The following MUC7 variants were observed in gnomAD, a reference collection of about 807,000 sequenced individuals.
MUC7 encodes the protein mucin 7, secreted.
A neutral mutation model predicts 2.5 loss-of-function variants in MUC7; 2 were observed. The observed-to-expected ratio is 0.81, with a 90% CI of 0.33 to 2.55. The LOEUF is 2.55. Among genes scored for constraint, MUC7 ranks in the 30% most tolerant of loss-of-function variants. The pLI is 0.11. For missense variants in MUC7, 408 were observed against 455.6 expected (o/e 0.90, Z 0.95); for synonymous variants, 133 against 173.4 (o/e 0.77, Z 1.83).
At chr4:70,450,036 G>C (rs1734242003) in intron 1 of MUC7, among the ~76,000 whole-genome samples, 1 of 152,240 alleles carries the variant, frequency 6.6e-6, no homozygotes, top group East Asian at 1.9e-4. Flanking sequence ...TTCCATTCAG[G>C]ATGGTGAGGT....
intron 2 of MUC7, among the ~76,000 whole-genome samples, chr4:70,479,765 G>A (rs1242847375): frequency 6.6e-6 from 1 of 152,148 alleles, no homozygotes; most frequent in African/African-American, 2.4e-5. Flanking sequence ...TGACCCACAT[G>A]GCATAGAAGT....
At chr4:70,445,300 C>T (rs546430911) in intron 1 of MUC7, among the ~76,000 whole-genome samples, 1 of 152,134 alleles carries the variant, frequency 6.6e-6, no homozygotes, top group Non-Finnish European at 1.5e-5. Flanking sequence ...GAAACCACAA[C>T]TCCACTAACT....
At position 70,474,389 on chromosome 4, in the gene MUC7, G is replaced by A. The variant is rs561208228; in HGVS notation, c.54+314G>A. Among the ~76,000 whole-genome samples, 10 of 152,126 alleles carry A rather than the reference G, an allele frequency of 6.6e-5. No homozygotes were observed. The South Asian group carries it at 1.9e-3, about 28-fold the overall frequency. On this transcript the variant is annotated intron_variant, in intron 2 of 2. Transcript: ENST00000304887. Reference sequence around the variant, plus strand: ...AATTTAATTAGCCAGGTGTGGTGGTGCGTGCCTGTAATCCCAACTACTCGG... The same window carrying A: ...AATTTAATTAGCCAGGTGTGGTGGTACGTGCCTGTAATCCCAACTACTCGG...
chr4:70,444,935 C>T (rs1734091056), intron 1 of MUC7, among the ~76,000 whole-genome samples: 1 of 152,044 alleles, frequency 6.6e-6, no homozygotes, highest in South Asian at 2.1e-4. Flanking sequence ...GCCTGTAGTT[C>T]CAGCTACTTG....
chr4:70,449,418 T>C (rs557657712), intron 1 of MUC7, among the ~76,000 whole-genome samples: 1 of 152,226 alleles, frequency 6.6e-6, no homozygotes, highest in Non-Finnish European at 1.5e-5. Flanking sequence ...ATGAGACTTA[T>C]TCACTATCAT....
upstream of MUC7, among the ~76,000 whole-genome samples, chr4:70,471,201 T>G (rs561252339): frequency 2.3e-3 from 353 of 152,316 alleles, no homozygotes; most frequent in Middle Eastern, 6.8e-3. Flanking sequence ...ATTCTTAAGT[T>G]CTTTTTTAAG....
chr4:70,477,972 C>A (rs952312162), intron 2 of MUC7, among the ~76,000 whole-genome samples: 2 of 152,110 alleles, frequency 1.3e-5, no homozygotes, highest in Non-Finnish European at 2.9e-5. Context: ...TAGAGGCATG[C>A]ATTTTCAACT....
intron 1 of MUC7, among the ~76,000 whole-genome samples, chr4:70,455,729 AAGGTGT>A: frequency 6.6e-6 from 1 of 152,194 alleles, no homozygotes; most frequent in Admixed American, 6.5e-5. Context: ...ATGGAATCAA[AAGGTGT>A]ATGTGGAACT....
chr4:70,453,843 C>G (rs769382166), intron 1 of MUC7, among the ~76,000 whole-genome samples: 4 of 152,040 alleles, frequency 2.6e-5, no homozygotes, highest in African/African-American at 7.2e-5. Flanking sequence ...CCCTAGGGCT[C>G]TTTAGTTAGC....
chr4:70,476,773 C>T (rs41452147), intron 2 of MUC7, among the ~76,000 whole-genome samples: 10 of 152,072 alleles, frequency 6.6e-5, no homozygotes, highest in Admixed American at 4.6e-4. Flanking sequence ...GGTGACAGAG[C>T]GAGACTCCGT....
intron 1 of MUC7, among the ~76,000 whole-genome samples, chr4:70,463,052 C>T (rs1277784009): frequency 6.6e-6 from 1 of 152,156 alleles, no homozygotes; most frequent in Non-Finnish European, 1.5e-5. Flanking sequence ...GGTCAATCTT[C>T]TGTTGGTCCT....
chr4:70,442,836 T>C (rs941223858), intron 1 of MUC7, among the ~76,000 whole-genome samples: 1 of 152,202 alleles, frequency 6.6e-6, no homozygotes, highest in Non-Finnish European at 1.5e-5. Context: ...TATTACAAAA[T>C]CTTTCTTCTC....
chr4:70,470,438 A>G (rs1734808249), upstream of MUC7, among the ~76,000 whole-genome samples: 1 of 152,194 alleles, frequency 6.6e-6, no homozygotes, highest in Admixed American at 6.5e-5. Context: ...CATAAGTGTT[A>G]CTCATTTATT....
At chr4:70,480,725 C>G in intron 2 of MUC7, 74 bp from the exon 3 acceptor site, 5 of 1,465,452 alleles carry the variant, frequency 3.4e-6, no homozygotes, top group Non-Finnish European at 4.6e-6. Context: ...CCGCTCATCT[C>G]ATGGTCAGCA....
chr4:70,456,455 T>C (rs1163438764), intron 1 of MUC7, among the ~76,000 whole-genome samples: 2 of 152,174 alleles, frequency 1.3e-5, no homozygotes, highest in Non-Finnish European at 2.9e-5. Context: ...AATTGACTCA[T>C]GGTTCTGCAT....
intron 1 of MUC7, among the ~76,000 whole-genome samples, chr4:70,442,509 T>C (rs1402804373): frequency 1.3e-5 from 2 of 151,776 alleles, no homozygotes; most frequent in Non-Finnish European, 2.9e-5. Context: ...TCCTCCTCAA[T>C]TTCCCCTCCA....
intron 1 of MUC7, among the ~76,000 whole-genome samples, chr4:70,448,815 G>T (rs1355849256): frequency 6.6e-6 from 1 of 152,138 alleles, no homozygotes; most frequent in Non-Finnish European, 1.5e-5. Flanking sequence ...GGTTTCCTGT[G>T]CTTGTGAGGT....
At chr4:70,442,761 T>C (rs537443426) in intron 1 of MUC7, among the ~76,000 whole-genome samples, 184 of 152,348 alleles carry the variant, frequency 1.2e-3, no homozygotes, top group Non-Finnish European at 1.2e-3. Context: ...TTATATGTGC[T>C]TAATGTTTTC....
chr4:70,442,708 G>A (rs1216512210), intron 1 of MUC7, among the ~76,000 whole-genome samples: 2 of 152,182 alleles, frequency 1.3e-5, no homozygotes, highest in Admixed American at 6.5e-5. Flanking sequence ...AGACCCAGAT[G>A]AGGGATCCCT....
Sources: gnomAD v4.1 joint callset for allele counts (sites outside exome capture counted in the v4.1 genomes callset) on GRCh38, gnomAD v4.1.1 for gene constraint, MANE v1.5 for transcripts, NCBI Gene and HGNC (gene_info 2026-07-23, HGNC 2026-07-21) for gene names.